EPHA6: variants seen among roughly 807,000 people sequenced by gnomAD.
The protein encoded by EPHA6 is EPH receptor A6.
In EPHA6, 50 loss-of-function variants were observed where a neutral mutation model predicts 112.0. That is an observed-to-expected ratio of 0.45 (90% CI 0.36 to 0.56). The LOEUF (loss-of-function observed/expected upper bound fraction) is 0.56, where lower values mean the gene tolerates loss of function less well. Ranked by LOEUF, EPHA6 falls within the 20% of genes least tolerant of loss-of-function variation. The pLI is 0.00. For synonymous variants in EPHA6, 529 were observed against 490.7 expected (o/e 1.08, Z -1.03); for missense variants, 1,280 against 1,417.4 (o/e 0.90, Z 1.56).
chr3:97,260,250 A>G (rs528776902), intron 5 of EPHA6, among the ~76,000 whole-genome samples: 4 of 152,350 alleles, frequency 2.6e-5, no homozygotes, highest in South Asian at 4.1e-4. Context: ...TTGCCCTAAC[A>G]GAGTGTGGAG....
intron 10 of EPHA6, among the ~76,000 whole-genome samples, chr3:97,501,528 T>A (rs868833784): frequency 6.6e-6 from 1 of 151,942 alleles, no homozygotes; most frequent in Admixed American, 6.5e-5. Context: ...ACAGAGAATT[T>A]AAAATATTTT....
chr3:97,206,498 C>T (rs1005149625), intron 3 of EPHA6, among the ~76,000 whole-genome samples: 8 of 151,946 alleles, frequency 5.3e-5, no homozygotes, highest in Non-Finnish European at 1.0e-4. Flanking sequence ...TTTTGTGATA[C>T]TCATTTCCAT....
chr3:97,641,851 C>T (rs555107569), intron 14 of EPHA6, among the ~76,000 whole-genome samples: 14 of 151,426 alleles, frequency 9.2e-5, no homozygotes, highest in East Asian at 5.9e-4. Flanking sequence ...AAGGCGGCAG[C>T]GAGGCTGGGG....
intron 3 of EPHA6, among the ~76,000 whole-genome samples, chr3:97,081,418 G>T (rs1018074888): frequency 1.6e-4 from 24 of 151,850 alleles, no homozygotes; most frequent in African/African-American, 5.3e-4. Flanking sequence ...ACTACAGAAA[G>T]CTAATGTGCA....
chr3:97,592,065 C>T (rs2093550145), intron 11 of EPHA6, among the ~76,000 whole-genome samples: 1 of 152,130 alleles, frequency 6.6e-6, no homozygotes, highest in Admixed American at 6.5e-5. Flanking sequence ...CATGTCTTGT[C>T]CCTAATGGAA....
intron 7 of EPHA6, 139 bp from the exon 8 acceptor site, chr3:97,475,213 G>T: frequency 1.6e-6 from 1 of 617,888 alleles, no homozygotes. Context: ...TGCTTCATAC[G>T]TGTCAAATAC....
At chr3:97,592,187 G>A (rs865899304) in intron 11 of EPHA6, among the ~76,000 whole-genome samples, 12 of 152,194 alleles carry the variant, frequency 7.9e-5, no homozygotes, top group South Asian at 4.1e-4. Flanking sequence ...AATAGAGATA[G>A]ACCTAAAGTA....
intron 1 of EPHA6, among the ~76,000 whole-genome samples, chr3:96,854,368 C>T (rs935937394): frequency 2.6e-5 from 4 of 151,396 alleles, no homozygotes; most frequent in African/African-American, 4.9e-5. Context: ...TTAGTAAAGT[C>T]GAGATTTCAC....
At chr3:96,871,586 CTT>C (rs199979192) in intron 2 of EPHA6, among the ~76,000 whole-genome samples, 1 of 151,682 alleles carries the variant, frequency 6.6e-6, no homozygotes, top group Non-Finnish European at 1.5e-5. Flanking sequence ...AGAATGAGTA[CTT>C]TTTTCATTTA....
Position 96,987,547 on chromosome 3 carries a change from A to C in EPHA6, c.668A>C (p.Tyr223Ser), listed in dbSNP as rs774754164. 2 of 1,613,772 alleles carry C rather than the reference A, an allele frequency of 1.2e-6. No individual in the cohort carries two copies. The highest frequency in any genetic ancestry group is 1.7e-6 in the Non-Finnish European group (2 of 1,179,798). ...TGCAAAGAAACATTTAATCTGTTTT[A>C]TATGGAATCAGATGAGTCCCACGGA... ...GTCKETFNLF[Y>S]MESDESHGIK... Residue 223 changes from tyrosine (Y) to serine (S), a missense_variant, in exon 3 of 18, where the codon TAT becomes TCT. This residue lies in a region of EPHA6 where 878 missense variants were observed against 999.7 expected (regional missense o/e 0.88). Coordinates refer to ENST00000389672, the MANE Select transcript of EPHA6 (RefSeq NM_001080448.3).
intron 14 of EPHA6, among the ~76,000 whole-genome samples, chr3:97,704,729 T>C (rs545008829): frequency 6.2e-4 from 95 of 152,326 alleles, no homozygotes; most frequent in Admixed American, 1.6e-3. Context: ...ATTATGTTCC[T>C]TGTAATTTTT....
At chr3:97,113,657 C>A (rs1440533853) in intron 3 of EPHA6, among the ~76,000 whole-genome samples, 1 of 152,118 alleles carries the variant, frequency 6.6e-6, no homozygotes, top group East Asian at 1.9e-4. Context: ...AAAAAAAAGT[C>A]TTTCTTGCCT....
At chr3:97,402,563 A>T (rs1268857028) in intron 5 of EPHA6, among the ~76,000 whole-genome samples, 1 of 151,996 alleles carries the variant, frequency 6.6e-6, no homozygotes, top group African/African-American at 2.4e-5. Flanking sequence ...AACAGTACAT[A>T]GTTAGGTCTT....
intron 5 of EPHA6, among the ~76,000 whole-genome samples, chr3:97,264,029 A>T (rs576015448): frequency 6.6e-6 from 1 of 152,340 alleles, no homozygotes; most frequent in Middle Eastern, 3.4e-3. Flanking sequence ...AAAGAGCAAG[A>T]TAGTAAATAT....
chr3:97,396,314 TTAATA>T (rs1158460407), intron 5 of EPHA6, among the ~76,000 whole-genome samples: 1 of 148,418 alleles, frequency 6.7e-6, no homozygotes, highest in East Asian at 2.0e-4. Context: ...TAGGTAAACC[TTAATA>T]TATCTAGTAT....
At chr3:97,271,638 A>G (rs1218360523) in intron 5 of EPHA6, among the ~76,000 whole-genome samples, 2 of 152,234 alleles carry the variant, frequency 1.3e-5, no homozygotes, top group South Asian at 2.1e-4. Context: ...GGTTACAGGC[A>G]TGAGCCACCG....
At chr3:97,696,361 T>C (rs1260880111) in intron 14 of EPHA6, among the ~76,000 whole-genome samples, 2 of 152,228 alleles carry the variant, frequency 1.3e-5, no homozygotes, top group African/African-American at 4.8e-5. Flanking sequence ...TTTTCTCTCA[T>C]GGAATTCTTT....
rs528299396 is a variant in EPHA6, at chr3:97,659,829, C to T, written c.2784+21747C>T. 1.8e-4 allele frequency among the ~76,000 whole-genome samples: 27 copies of T among 152,008 alleles called. No homozygotes were observed. In the South Asian group the frequency reaches 5.6e-3, roughly 32 times the overall value. On this transcript the variant is annotated intron_variant, in intron 14 of 17. Coordinates refer to ENST00000389672, the MANE Select transcript of EPHA6 (RefSeq NM_001080448.3). Reference sequence around the variant, plus strand: ...TTTTCCTGCACTACCACAGATTATGCTTTAATATATATCATCACAGAGTTT... The same window carrying T: ...TTTTCCTGCACTACCACAGATTATGTTTTAATATATATCATCACAGAGTTT...
At chr3:97,666,022 A>C (rs935752156) in intron 14 of EPHA6, among the ~76,000 whole-genome samples, 1 of 148,802 alleles carries the variant, frequency 6.7e-6, no homozygotes, top group Non-Finnish European at 1.5e-5. Flanking sequence ...TCGCCGTTAC[A>C]CTCCAGCTGG....
Sources: gnomAD v4.1 joint callset for allele counts (sites outside exome capture counted in the v4.1 genomes callset) on GRCh38, gnomAD v4.1.1 for gene constraint, gnomAD v4.1.1 regional missense constraint, MANE v1.5 for transcripts, NCBI Gene and HGNC (gene_info 2026-07-23, HGNC 2026-07-21) for gene names.